NEK10: variants seen among roughly 807,000 people sequenced by gnomAD.
NEK10 encodes the protein serine/threonine-protein kinase Nek10.
Under a neutral mutation model 159.8 loss-of-function variants are expected in NEK10, and 122 were observed. That is an observed-to-expected ratio of 0.76 (90% CI 0.66 to 0.89). NEK10 has a LOEUF of 0.89. Ranked by LOEUF, NEK10 falls within the 40% of genes least tolerant of loss-of-function variation. The pLI is 0.00. For missense variants in NEK10, 1,342 were observed against 1,323.1 expected (o/e 1.01, Z -0.22); for synonymous variants, 466 against 457.1 (o/e 1.02, Z -0.25).
chr3:27,331,756 A>G (rs1383835827), intron 5 of NEK10, among the ~76,000 whole-genome samples: 1 of 152,176 alleles, frequency 6.6e-6, no homozygotes, highest in Non-Finnish European at 1.5e-5. Context: ...ACTTTTTATG[A>G]TAATTTCTAA....
intron 30 of NEK10, among the ~76,000 whole-genome samples, chr3:27,156,253 T>G (rs1945405996): frequency 6.6e-6 from 1 of 152,006 alleles, no homozygotes; most frequent in Non-Finnish European, 1.5e-5. Context: ...AAGGATTTAA[T>G]GACCAAGAAA....
chr3:27,160,127 T>C (rs1030979817), intron 30 of NEK10, among the ~76,000 whole-genome samples: 9 of 151,948 alleles, frequency 5.9e-5, no homozygotes, highest in Admixed American at 6.6e-5. Flanking sequence ...TTTAAAAAAA[T>C]AAATCATTCA....
At chr3:27,237,102 C>T (rs1954009677) in intron 23 of NEK10, among the ~76,000 whole-genome samples, 1 of 152,142 alleles carries the variant, frequency 6.6e-6, no homozygotes, top group Non-Finnish European at 1.5e-5. Flanking sequence ...CTCCTACTTG[C>T]ATGTCTGTTT....
At chr3:27,255,239 T>C (rs1243818446) in intron 23 of NEK10, 9 of 404,946 alleles carry the variant, frequency 2.2e-5, no homozygotes, top group Non-Finnish European at 4.5e-5. Context: ...AGACATCATA[T>C]AAGCTTGCAG....
intron 23 of NEK10, among the ~76,000 whole-genome samples, chr3:27,251,828 T>C (rs1335464808): frequency 3.3e-5 from 5 of 152,204 alleles, no homozygotes; most frequent in African/African-American, 4.8e-5. Flanking sequence ...CTACTTGATC[T>C]CATTTACTCA....
At chr3:27,221,446 G>T (rs1177542849) in intron 23 of NEK10, among the ~76,000 whole-genome samples, 2 of 152,220 alleles carry the variant, frequency 1.3e-5, no homozygotes, top group Non-Finnish European at 2.9e-5. Context: ...CCAAAAGACA[G>T]ATTAAATAAT....
intron 25 of NEK10, among the ~76,000 whole-genome samples, chr3:27,192,553 G>T (rs1383168642): frequency 6.6e-6 from 1 of 151,204 alleles, no homozygotes; most frequent in African/African-American, 2.4e-5. Flanking sequence ...CTCCTGCATG[G>T]GTTGGCTGCT....
chr3:27,244,846 C>G (rs1954904633), intron 23 of NEK10, among the ~76,000 whole-genome samples: 1 of 152,156 alleles, frequency 6.6e-6, no homozygotes, highest in Non-Finnish European at 1.5e-5. Context: ...TGATGCCTTG[C>G]TCCCTCACCT....
At chr3:27,133,648 CCTGTAA>C (rs1942862815) in intron 31 of NEK10, among the ~76,000 whole-genome samples, 1 of 152,096 alleles carries the variant, frequency 6.6e-6, no homozygotes, top group Admixed American at 6.5e-5. Flanking sequence ...GTGGTGCATG[CCTGTAA>C]TCCCAGCTAC....
At chr3:27,157,093 C>T (rs1945546662) in intron 30 of NEK10, among the ~76,000 whole-genome samples, 2 of 150,852 alleles carry the variant, frequency 1.3e-5, no homozygotes, top group Non-Finnish European at 3.0e-5. Context: ...GAAAACCAAA[C>T]ATTGTATCTT....
intron 30 of NEK10, among the ~76,000 whole-genome samples, chr3:27,153,654 C>A (rs1316760626): frequency 6.6e-6 from 1 of 152,116 alleles, no homozygotes; most frequent in Admixed American, 6.6e-5. Context: ...GCAAAAGGAA[C>A]CTTCAAAACC....
chr3:27,318,481 T>G (rs766698230), intron 6 of NEK10, among the ~76,000 whole-genome samples: 3 of 152,246 alleles, frequency 2.0e-5, no homozygotes, highest in Non-Finnish European at 4.4e-5. Context: ...AGAATGTATC[T>G]GTTTATATTT....
intron 5 of NEK10, among the ~76,000 whole-genome samples, chr3:27,334,011 C>CA (rs1210352820): frequency 2.0e-5 from 3 of 152,202 alleles, no homozygotes; most frequent in Non-Finnish European, 4.4e-5. Context: ...CTACCATGGC[C>CA]AACACCTGTA....
chr3:27,190,586 T>C (rs1450708498), intron 26 of NEK10, among the ~76,000 whole-genome samples: 3 of 152,200 alleles, frequency 2.0e-5, no homozygotes. Flanking sequence ...TGCTGTTAGA[T>C]TGTAAACTAA....
intron 33 of NEK10, among the ~76,000 whole-genome samples, chr3:27,119,253 TAG>T (rs1339002440): frequency 6.6e-6 from 1 of 152,202 alleles, no homozygotes; most frequent in African/African-American, 2.4e-5. Context: ...CTAAATGGTT[TAG>T]CCAAGATTTG....
intron 32 of NEK10, among the ~76,000 whole-genome samples, chr3:27,120,327 C>CTT (rs879451959): frequency 2.8e-5 from 4 of 142,278 alleles, no homozygotes; most frequent in Admixed American, 7.0e-5. Context: ...TTTCTTTTTT[C>CTT]TTTTTTTTTT....
chr3:27,152,034 A>C (rs1317215495), intron 30 of NEK10, among the ~76,000 whole-genome samples: 1 of 152,210 alleles, frequency 6.6e-6, no homozygotes, highest in Non-Finnish European at 1.5e-5. Flanking sequence ...GGTATTCCTG[A>C]GGAAGAAGAG....
At chr3:27,191,947 G>T in intron 26 of NEK10, 82 bp downstream of exon 26, 1 of 1,194,526 alleles carries the variant, frequency 8.4e-7, no homozygotes, top group Non-Finnish European at 1.2e-6. Context: ...AACTTTTGAT[G>T]AATGTTCCTT....
chr3:27,179,792 C>A (rs939928825), intron 26 of NEK10, among the ~76,000 whole-genome samples: 1 of 152,072 alleles, frequency 6.6e-6, no homozygotes, highest in African/African-American at 2.4e-5. Flanking sequence ...TTAAAAGAAA[C>A]AATGGGGGCT....
Sources: gnomAD v4.1 joint callset for allele counts (sites outside exome capture counted in the v4.1 genomes callset) on GRCh38, gnomAD v4.1.1 for gene constraint, MANE v1.5 for transcripts, NCBI Gene and HGNC (gene_info 2026-07-23, HGNC 2026-07-21) for gene names.